TMA16: variants seen among roughly 807,000 people sequenced by gnomAD.
TMA16 encodes translation machinery associated 16 homolog.
A neutral mutation model predicts 27.1 loss-of-function variants in TMA16; 26 were observed. The ratio of observed to expected loss-of-function variants is 0.96; its 90% CI spans 0.70 to 1.33. The LOEUF (loss-of-function observed/expected upper bound fraction) is 1.33, where lower values mean the gene tolerates loss of function less well. Among genes scored for constraint, TMA16 ranks in the 40% most tolerant of loss-of-function variants. The pLI is 0.00. For synonymous variants in TMA16, 71 were observed against 81.9 expected, an observed-to-expected ratio of 0.87 and a Z score of 0.72; for missense variants, 233 against 241.4, an observed-to-expected ratio of 0.97 and a Z score of 0.23.
chr4:163,502,098 A>C (rs948079323), intron 1 of TMA16, among the ~76,000 whole-genome samples: 2 of 152,188 alleles, frequency 1.3e-5, no homozygotes, highest in African/African-American at 4.8e-5. Context: ...CGGTGTAAAG[A>C]GTGGCAGTAG....
At chr4:163,495,819 A>G (rs1186755020) in intron 1 of TMA16, among the ~76,000 whole-genome samples, 1 of 152,014 alleles carries the variant, frequency 6.6e-6, no homozygotes, top group East Asian at 1.9e-4. Flanking sequence ...ATTTTGATCC[A>G]CTGCTGACGC....
chr4:163,517,720 G>A (rs1333837591), intron 6 of TMA16, among the ~76,000 whole-genome samples: 2 of 152,154 alleles, frequency 1.3e-5, no homozygotes, highest in Non-Finnish European at 2.9e-5. Context: ...CATTGTTATA[G>A]TACCTCAAAG....
Position 163,517,515 on chromosome 4 carries a change from A to G in TMA16, c.431+39A>G, listed in dbSNP as rs769931695. Reference sequence around the variant, plus strand: ...GTATTGTTCCCCTGAAGCTGTGTGTAAAGTACCTGACAGGTGAACTTTCTT... The same window carrying G: ...GTATTGTTCCCCTGAAGCTGTGTGTGAAGTACCTGACAGGTGAACTTTCTT... On this transcript the variant is annotated intron_variant, in intron 6 of 6. Coordinates refer to ENST00000358572, the MANE Select transcript of TMA16 (RefSeq NM_018352.3). 106 of 1,580,074 alleles carry G rather than the reference A, an allele frequency of 6.7e-5. 1 individual carries two copies. The South Asian group carries it at 1.1e-3, about 17-fold the overall frequency.
At chr4:163,507,744 A>C (rs553370798) in intron 2 of TMA16, among the ~76,000 whole-genome samples, 1 of 152,198 alleles carries the variant, frequency 6.6e-6, no homozygotes, top group South Asian at 2.1e-4. Context: ...TTAGGAAAAG[A>C]AGGAGCATTC....
chr4:163,503,196 G>T (rs28394557), intron 1 of TMA16, among the ~76,000 whole-genome samples: 2,007 of 152,146 alleles, frequency 0.013, 48 homozygotes, highest in African/African-American at 0.045. Flanking sequence ...CTACTGACTC[G>T]TTTCCCAGAA....
At chr4:163,507,367 A>G (rs1441054455) in intron 2 of TMA16, among the ~76,000 whole-genome samples, 1 of 152,176 alleles carries the variant, frequency 6.6e-6, no homozygotes, top group African/African-American at 2.4e-5. Context: ...GTGCCATGAA[A>G]AATTTAAAAA....
chr4:163,517,761 AT>A (rs554262195), intron 6 of TMA16, among the ~76,000 whole-genome samples: 68 of 152,100 alleles, frequency 4.5e-4, no homozygotes, highest in African/African-American at 1.6e-3. Flanking sequence ...CCCCAGTTTT[AT>A]TTTTTTAAAA....
intron 5 of TMA16, chr4:163,516,922 T>G (rs1737887684): frequency 6.6e-6 from 1 of 152,466 alleles, no homozygotes; most frequent in South Asian, 2.1e-4. Flanking sequence ...TTTAGTGAAT[T>G]GACAGTTATA....
intron 1 of TMA16, among the ~76,000 whole-genome samples, chr4:163,502,033 G>T (rs1357675528): frequency 6.6e-6 from 1 of 152,092 alleles, no homozygotes; most frequent in Non-Finnish European, 1.5e-5. Context: ...CTAGTACATG[G>T]TATATTTAGT....
intron 1 of TMA16, among the ~76,000 whole-genome samples, chr4:163,496,089 A>G (rs947364416): frequency 4.6e-5 from 7 of 152,194 alleles, no homozygotes; most frequent in African/African-American, 1.7e-4. Context: ...AAGTCAAAAG[A>G]GTGGCATATG....
In TMA16 at chr4:163,507,059, A is replaced by G; in HGVS notation, c.30A>G (p.Ala10=). 6.3e-7 allele frequency: 1 copy of G among 1,593,348 alleles called. No individual in the cohort carries two copies. Among genetic ancestry groups the G allele is most frequent in the Non-Finnish European group, 8.6e-7 (1 of 1,169,048 alleles). Residue 10 remains alanine (A), a synonymous_variant, in exon 2 of 7, where the codon GCA becomes GCG. Transcript: ENST00000358572. ...CCAAAGCACCAAAGGGAAAAAGTGCAGGACGGGAAAAAAAAGTCATCCATC... is the reference window on the plus strand; with the variant it reads ...CCAAAGCACCAAAGGGAAAAAGTGCGGGACGGGAAAAAAAAGTCATCCATC... The part of the protein sequence containing the change: MPKAPKGKS[A]GREKKVIHPY...
chr4:163,514,051 G>C lies in TMA16; in HGVS notation c.155-23G>C, dbSNP rs371358172. ...TAAATGATGACTTGTGGGGTAAACT[G>C]TCTTGGTACTTGTTGTTTATAGGTG... On this transcript the variant is annotated intron_variant, in intron 3 of 6. Transcript: ENST00000358572. The C allele has an allele frequency of 4.5e-6, 7 of 1,568,596 alleles. No individual in the cohort carries two copies. In the Middle Eastern group the frequency reaches 1.0e-3, roughly 228 times the overall value.
At chr4:163,510,444 G>C (rs974507555) in intron 2 of TMA16, among the ~76,000 whole-genome samples, 2 of 152,150 alleles carry the variant, frequency 1.3e-5, no homozygotes, top group African/African-American at 4.8e-5. Context: ...TGATAGGTGA[G>C]ATTTATCTTT....
At chr4:163,506,448 C>T (rs903433499) in intron 1 of TMA16, among the ~76,000 whole-genome samples, 11 of 152,074 alleles carry the variant, frequency 7.2e-5, no homozygotes, top group Non-Finnish European at 1.5e-4. Context: ...GTTTGGAGGA[C>T]CTAATGAATT....
At chr4:163,494,915 CA>C in intron 1 of TMA16, 111 bp downstream of exon 1, 1 of 1,490,570 alleles carries the variant, frequency 6.7e-7, no homozygotes, top group Non-Finnish European at 9.2e-7. Context: ...GGGGAGGATG[CA>C]AAGTGTTTAT....
intron 5 of TMA16, among the ~76,000 whole-genome samples, chr4:163,516,269 G>C (rs1257502721): frequency 1.3e-5 from 2 of 152,208 alleles, no homozygotes; most frequent in Non-Finnish European, 2.9e-5. Flanking sequence ...ACTCTGATGA[G>C]TTTGCAGGTG....
At position 163,494,718 on chromosome 4, in the gene TMA16, C is replaced by T; in HGVS notation, c.-84C>T. 3.1e-6 allele frequency: 5 copies of T among 1,596,836 alleles called. No individual in the cohort carries two copies. Among genetic ancestry groups the T allele is most frequent in the Non-Finnish European group, 3.4e-6 (4 of 1,166,328 alleles). ...CGCCACGTGGGATTCGGCCCGGGTG[C>T]TCTTGTGAGCTGCTGCTCCTGCGGT... is the stretch of plus-strand genomic sequence containing the variant. On this transcript the variant is annotated 5_prime_UTR_variant, in exon 1 of 7. Coordinates refer to ENST00000358572, the MANE Select transcript of TMA16 (RefSeq NM_018352.3).
chr4:163,494,876 G>T, intron 1 of TMA16, 72 bp downstream of exon 1: 2 of 1,600,276 alleles, frequency 1.2e-6, no homozygotes, highest in Non-Finnish European at 1.7e-6. Context: ...AGGCAGAGAG[G>T]GAGGGTGCGG....
chr4:163,517,892 A>G (rs1737908138), intron 6 of TMA16, among the ~76,000 whole-genome samples: 1 of 152,200 alleles, frequency 6.6e-6, no homozygotes, highest in South Asian at 2.1e-4. Flanking sequence ...TAAGTCATCA[A>G]GACCCGCTTT....
Sources: allele counts gnomAD v4.1 joint callset (sites outside exome capture counted in the v4.1 genomes callset), GRCh38; gene constraint gnomAD v4.1.1; transcripts MANE v1.5; gene names NCBI Gene and HGNC (gene_info 2026-07-23, HGNC 2026-07-21).